The following MND1 variants were observed in gnomAD, a reference collection of about 807,000 sequenced individuals.
MND1 encodes the protein meiotic nuclear divisions 1.
In MND1, 28 loss-of-function variants were observed where a neutral mutation model predicts 35.1. The ratio of observed to expected loss-of-function variants is 0.80; its 90% CI spans 0.59 to 1.09. The LOEUF (loss-of-function observed/expected upper bound fraction) is 1.09, where lower values mean the gene tolerates loss of function less well. Ranked by LOEUF, MND1 falls within the 50% of genes least tolerant of loss-of-function variation. MND1 has a pLI of 0.00. For synonymous variants in MND1, 69 were observed against 70.5 expected (o/e 0.98, Z 0.11); for missense variants, 213 against 239.6 (o/e 0.89, Z 0.73).
At chr4:153,377,499 A>G (rs952637116) in intron 4 of MND1, among the ~76,000 whole-genome samples, 26 of 152,336 alleles carry the variant, frequency 1.7e-4, no homozygotes, top group African/African-American at 6.3e-4. Context: ...TGAGAGGGAC[A>G]TAAGAATGAA....
chr4:153,380,714 C>T (rs1462005760), intron 4 of MND1, among the ~76,000 whole-genome samples: 2 of 152,172 alleles, frequency 1.3e-5, no homozygotes, highest in Admixed American at 1.3e-4. Flanking sequence ...CTTATTACTT[C>T]TCTGTTGACC....
chr4:153,410,070 C>T (rs1339200779), intron 7 of MND1, among the ~76,000 whole-genome samples: 2 of 152,168 alleles, frequency 1.3e-5, no homozygotes, highest in South Asian at 2.1e-4. Flanking sequence ...CCTCTTGACC[C>T]TCTCTCAGCC....
intron 6 of MND1, among the ~76,000 whole-genome samples, chr4:153,405,113 T>C (rs1579955408): frequency 6.6e-6 from 1 of 152,088 alleles, no homozygotes; most frequent in Non-Finnish European, 1.5e-5. Flanking sequence ...TTTCAGCTGC[T>C]TTTTTGCAGA....
rs547053989 is a variant in MND1 at position 153,404,459 on chromosome 4, C to T, written c.467-4512C>T. Among the ~76,000 whole-genome samples the T allele has an allele frequency of 2.0e-5, 3 of 146,908 alleles. No individual in the cohort carries two copies. In the South Asian group the frequency reaches 6.5e-4, roughly 32 times the overall value. On this transcript the variant is annotated intron_variant, in intron 6 of 7. Transcript: ENST00000240488. ...GCCCGCCTCAGCCTCGCAAAGTTTG[C>T]GATTACAGGTGTGAGCCACTGTGCA...
intron 7 of MND1, among the ~76,000 whole-genome samples, chr4:153,409,763 G>C (rs1410083089): frequency 6.7e-6 from 1 of 149,716 alleles, no homozygotes; most frequent in East Asian, 1.9e-4. Context: ...TGGCCTTTCG[G>C]ATTTTTTTTT....
At chr4:153,404,796 AGC>A (rs1729449288) in intron 6 of MND1, among the ~76,000 whole-genome samples, 2 of 152,126 alleles carry the variant, frequency 1.3e-5, no homozygotes, top group Non-Finnish European at 2.9e-5. Context: ...TCGTTCTTTA[AGC>A]GGATCACAAA....
chr4:153,369,940 G>A (rs1773749788), intron 4 of MND1, among the ~76,000 whole-genome samples: 1 of 151,958 alleles, frequency 6.6e-6, no homozygotes, highest in Non-Finnish European at 1.5e-5. Context: ...GTCTGCATGA[G>A]GAATAGATTC....
chr4:153,371,355 T>A (rs1449730137), intron 4 of MND1, among the ~76,000 whole-genome samples: 2 of 152,128 alleles, frequency 1.3e-5, no homozygotes, highest in Non-Finnish European at 2.9e-5. Context: ...CATGGACTTC[T>A]CCTCTCTAGC....
intron 4 of MND1, among the ~76,000 whole-genome samples, chr4:153,365,294 G>A (rs917265355): frequency 1.3e-5 from 2 of 152,178 alleles, no homozygotes; most frequent in East Asian, 3.8e-4. Context: ...AACAGAAGCA[G>A]GGTTCAGATG....
rs112753584 is a variant in MND1 at position 153,386,714 on chromosome 4, T to TCAACAA, written c.277-7535_277-7530dup. Among the ~76,000 whole-genome samples the TCAACAA allele has an allele frequency of 3.3e-5, 5 of 152,074 alleles. 1 individual carries two copies. The East Asian group carries it at 7.7e-4, about 23-fold the overall frequency. On this transcript the variant is annotated intron_variant, in intron 4 of 7. Transcript: ENST00000240488. ...TTGGGCGACAGAGCAAGACTCCATC[T>TCAACAA]CAACAACAACAACAACAAAAAAGAA... is the stretch of plus-strand genomic sequence containing the variant.
intron 6 of MND1, among the ~76,000 whole-genome samples, chr4:153,407,957 G>T (rs531788481): frequency 6.6e-6 from 1 of 152,264 alleles, no homozygotes; most frequent in Admixed American, 6.5e-5. Context: ...AGTAGTAATG[G>T]TTGTACAATT....
At chr4:153,355,578 A>C in intron 2 of MND1, 76 bp from the exon 3 acceptor site, 1 of 907,526 alleles carries the variant, frequency 1.1e-6, no homozygotes, top group East Asian at 2.6e-5. Flanking sequence ...CCCATAATAA[A>C]AATTTTTAAA....
Position 153,409,024 on chromosome 4 carries a change from T to C in MND1, c.511+9T>C, listed in dbSNP as rs767318031. The C allele has an allele frequency of 1.5e-6, 2 of 1,360,954 alleles. No individual in the cohort carries two copies. Among genetic ancestry groups the C allele is most frequent in the South Asian group, 4.2e-5 (2 of 47,360 alleles). 84.3% of individuals were successfully genotyped at this position (1,360,954 alleles called of 1,614,324 possible). On this transcript the variant is annotated intron_variant, in intron 7 of 7. Transcript: ENST00000240488. ...TGCTAACAGATGGACTGGTATGTAC[T>C]ATAATAATGCTGATAAACTATAGCT...
intron 2 of MND1, among the ~76,000 whole-genome samples, chr4:153,350,506 G>A (rs1383377304): frequency 6.6e-6 from 1 of 152,148 alleles, no homozygotes; most frequent in Non-Finnish European, 1.5e-5. Context: ...TTCAAACCAG[G>A]GAGGATCATT....
Position 153,403,094 on chromosome 4 carries a change from C to T in MND1, c.466+5761C>T, listed in dbSNP as rs568308703. On this transcript the variant is annotated intron_variant, in intron 6 of 7. Transcript: ENST00000240488. ...AAGACTGCAGTGAGCCATGATCGTG[C>T]CACTCTGCTCCAGCTTGGGTGACAG... Among the ~76,000 whole-genome samples, 10 of 152,174 alleles carry T rather than the reference C, an allele frequency of 6.6e-5. No homozygotes were observed. The South Asian group carries it at 2.1e-3, about 32-fold the overall frequency.
chr4:153,369,196 G>A (rs1054203887), intron 4 of MND1, among the ~76,000 whole-genome samples: 4 of 152,178 alleles, frequency 2.6e-5, no homozygotes, highest in Admixed American at 1.3e-4. Context: ...GGTTTTCTCC[G>A]TAGTACAGCT....
chr4:153,390,062 T>C (rs1178564266), intron 4 of MND1, among the ~76,000 whole-genome samples: 1 of 151,706 alleles, frequency 6.6e-6, no homozygotes, highest in Non-Finnish European at 1.5e-5. Context: ...TAAAGTTTGA[T>C]AACTACTGGT....
intron 6 of MND1, 65 bp from the exon 7 acceptor site, chr4:153,408,906 T>TTG (rs374115359): frequency 0.046 from 15,029 of 329,496 alleles, 488 homozygotes; most frequent in South Asian, 0.17. Context: ...AAAGATCATT[T>TTG]TGTGTGTATA....
intron 1 of MND1, among the ~76,000 whole-genome samples, chr4:153,348,909 C>CAG (rs1773140164): frequency 6.6e-6 from 1 of 152,194 alleles, no homozygotes; most frequent in African/African-American, 2.4e-5. Context: ...TATGTAAACT[C>CAG]ACGTTTTCTG....
Sources: allele counts gnomAD v4.1 joint callset (sites outside exome capture counted in the v4.1 genomes callset), GRCh38; gene constraint gnomAD v4.1.1; transcripts MANE v1.5; gene names NCBI Gene and HGNC (gene_info 2026-07-23, HGNC 2026-07-21).